Variants in RAB3IP observed in about 807,000 individuals in gnomAD.
RAB3IP encodes the protein rab-3A-interacting protein.
A neutral mutation model predicts 59.1 loss-of-function variants in RAB3IP; 36 were observed. That is an observed-to-expected ratio of 0.61 (90% CI 0.47 to 0.80). The LOEUF is 0.80. Ranked by LOEUF, RAB3IP falls within the 30% of genes least tolerant of loss-of-function variation. The pLI is 0.00. For synonymous variants in RAB3IP, 207 were observed against 191.2 expected, an observed-to-expected ratio of 1.08 and a Z score of -0.68; for missense variants, 511 against 536.0, an observed-to-expected ratio of 0.95 and a Z score of 0.46.
intron 3 of RAB3IP, among the ~76,000 whole-genome samples, chr12:69,763,934 T>G (rs1304685666): frequency 6.6e-6 from 1 of 152,216 alleles, no homozygotes; most frequent in East Asian, 1.9e-4. Flanking sequence ...CAGAGGAATT[T>G]ATTTTGTTCT....
chr12:69,758,972 C>G (rs1422432672), intron 3 of RAB3IP, among the ~76,000 whole-genome samples: 1 of 140,342 alleles, frequency 7.1e-6, no homozygotes, highest in Non-Finnish European at 1.5e-5. Flanking sequence ...TTTTCTTCCT[C>G]CTTCTGGTCA....
intron 2 of RAB3IP, among the ~76,000 whole-genome samples, chr12:69,756,157 C>T (rs1051842673): frequency 6.6e-6 from 1 of 152,202 alleles, no homozygotes; most frequent in African/African-American, 2.4e-5. Flanking sequence ...TCTTGAGTAG[C>T]ACTGTCCTGT....
rs781634317 is a variant in RAB3IP at position 69,815,474 on chromosome 12, C to A, written c.*28C>A. The A allele has an allele frequency of 1.1e-5, 15 of 1,417,570 alleles. No homozygotes were observed. Among genetic ancestry groups the A allele is most frequent in the Non-Finnish European group, 1.5e-5 (15 of 1,007,598 alleles). The allele number at this position is 1,417,570 out of a possible 1,614,324, so 87.8% of individuals were successfully genotyped here. On this transcript the variant is annotated 3_prime_UTR_variant, in exon 11 of 11. Coordinates refer to ENST00000247833, the MANE Select transcript of RAB3IP (RefSeq NM_022456.5). ...CTCTGCGTGGGACCATGCCTGAACT[C>A]CCCGAATAACTGAAAAATGGCTGAA...
chr12:69,769,373 CAA>C (rs1565890489), intron 3 of RAB3IP, among the ~76,000 whole-genome samples: 2 of 152,282 alleles, frequency 1.3e-5, no homozygotes, highest in East Asian at 3.9e-4. Context: ...TTGGGAGAAA[CAA>C]AGTGCTCTCC....
intron 3 of RAB3IP, among the ~76,000 whole-genome samples, chr12:69,765,015 A>G (rs1356616169): frequency 1.3e-5 from 2 of 152,194 alleles, no homozygotes; most frequent in Non-Finnish European, 2.9e-5. Flanking sequence ...TACTGGAGTC[A>G]TTTATCAGTT....
chr12:69,797,440 T>A (rs1275350026), intron 6 of RAB3IP, among the ~76,000 whole-genome samples: 1 of 151,752 alleles, frequency 6.6e-6, no homozygotes, highest in African/African-American at 2.4e-5. Context: ...GAATACCACT[T>A]ACCTGCTTTG....
At chr12:69,813,086 A>T in intron 10 of RAB3IP, 53 bp downstream of exon 10, 1 of 1,348,196 alleles carries the variant, frequency 7.4e-7, no homozygotes, top group East Asian at 2.3e-5. Context: ...AGCAAAAAGT[A>T]TAAGTAAAGT....
chr12:69,822,070 A>G lies in RAB3IP; in HGVS notation c.*6624A>G, dbSNP rs1298206724. On this transcript the variant is annotated 3_prime_UTR_variant, in exon 11 of 11. Coordinates refer to ENST00000247833, the MANE Select transcript of RAB3IP (RefSeq NM_022456.5). ...GAATCATTACTTGGCAGTGGATTAT[A>G]GTGTGATGACTCATTTCCGGTGGTC... 7.2e-5 allele frequency: 11 copies of G among 152,196 alleles called. No homozygotes were observed. Among genetic ancestry groups the G allele is most frequent in the Admixed American group, 7.2e-4 (11 of 15,280 alleles). The allele number at this position is 152,196 out of a possible 1,614,324, so 9.4% of individuals were successfully genotyped here. A position where few individuals can be genotyped will look rare whatever the true frequency, so the allele number is the denominator to read the frequency against.
At chr12:69,809,151 A>G (rs1461493038) in intron 8 of RAB3IP, among the ~76,000 whole-genome samples, 1 of 147,814 alleles carries the variant, frequency 6.8e-6, no homozygotes, top group Non-Finnish European at 1.5e-5. Flanking sequence ...TTTCTCCTTC[A>G]CTTATGAAGC....
chr12:69,803,902 T>C (rs1878802801), intron 8 of RAB3IP, among the ~76,000 whole-genome samples: 1 of 152,250 alleles, frequency 6.6e-6, no homozygotes, highest in South Asian at 2.1e-4. Context: ...CTGTCATTGT[T>C]GGACATTTGG....
At chr12:69,768,931 A>G (rs113269045) in intron 3 of RAB3IP, among the ~76,000 whole-genome samples, 9 of 152,192 alleles carry the variant, frequency 5.9e-5, no homozygotes, top group South Asian at 2.1e-4. Context: ...TCCCCACCCA[A>G]ATCTCATCTT....
rs751002076 is a variant in RAB3IP at position 69,811,340 on chromosome 12, CAT to C, written c.1131-1437_1131-1436del. On this transcript the variant is annotated intron_variant, in intron 8 of 10. Coordinates refer to ENST00000247833, the MANE Select transcript of RAB3IP (RefSeq NM_022456.5). ...ATATATACAACAAACCCGCATGACA[CAT>C]GTTTACCTATGTAATAAACCTGCAC... 9.9e-5 allele frequency among the ~76,000 whole-genome samples: 15 copies of C among 152,254 alleles called. No homozygotes were observed. In the South Asian group the frequency reaches 2.3e-3, roughly 23 times the overall value.
intron 6 of RAB3IP, among the ~76,000 whole-genome samples, chr12:69,797,918 T>C (rs1877763584): frequency 1.3e-5 from 2 of 152,234 alleles, no homozygotes; most frequent in African/African-American, 4.8e-5. Context: ...TAATCCAGTC[T>C]ATCATTGTTG....
At chr12:69,807,677 A>C (rs1262717577) in intron 8 of RAB3IP, among the ~76,000 whole-genome samples, 3 of 134,500 alleles carry the variant, frequency 2.2e-5, no homozygotes, top group African/African-American at 8.6e-5. Context: ...CTCACATCCC[A>C]GACGATGGGC....
chr12:69,804,319 A>G (rs1878885730), intron 8 of RAB3IP, among the ~76,000 whole-genome samples: 1 of 152,168 alleles, frequency 6.6e-6, no homozygotes, highest in African/African-American at 2.4e-5. Context: ...GTCTGTTCAT[A>G]TCCTTTGCCC....
chr12:69,785,866 AC>A (rs1213468680), intron 4 of RAB3IP, among the ~76,000 whole-genome samples: 1 of 152,030 alleles, frequency 6.6e-6, no homozygotes. Context: ...GCATACAGAT[AC>A]CCCTGGGGGT....
At chr12:69,790,799 G>A (rs1012477999) in intron 4 of RAB3IP, among the ~76,000 whole-genome samples, 1 of 152,112 alleles carries the variant, frequency 6.6e-6, no homozygotes, top group African/African-American at 2.4e-5. Context: ...GGCCAGGTTG[G>A]TCTTGAACTC....
chr12:69,795,214 A>G lies in RAB3IP; in HGVS notation c.758A>G (p.Gln253Arg). Residue 253 changes from glutamine to arginine, a missense_variant, in exon 6 of 11, where the codon CAG becomes CGG. Gln to Arg is a conservative substitution (Grantham distance 43). Coordinates refer to ENST00000247833, the MANE Select transcript of RAB3IP (RefSeq NM_022456.5). ...VLSSSPTSPT[Q>R]EPLPGGKTPF... Reference sequence around the variant, plus strand: ...TCCAGTTCTCCAACATCACCTACGCAGGAGCCTTTGCCAGGTGGAAAGACA... The same window carrying G: ...TCCAGTTCTCCAACATCACCTACGCGGGAGCCTTTGCCAGGTGGAAAGACA... 6.2e-7 allele frequency: 1 copy of G among 1,614,094 alleles called. No homozygotes were observed. The highest frequency in any genetic ancestry group is 8.5e-7 in the Non-Finnish European group (1 of 1,179,970).
At chr12:69,762,528 C>T (rs146032775) in intron 3 of RAB3IP, among the ~76,000 whole-genome samples, 42 of 152,172 alleles carry the variant, frequency 2.8e-4, no homozygotes, top group African/African-American at 9.4e-4. Flanking sequence ...GAGGCCGAGG[C>T]GGGCAGATCA....
Sources: allele counts gnomAD v4.1 joint callset (sites outside exome capture counted in the v4.1 genomes callset), GRCh38; gene constraint gnomAD v4.1.1; transcripts MANE v1.5; gene names NCBI Gene and HGNC (gene_info 2026-07-23, HGNC 2026-07-21).